KATNAL2: variants seen among roughly 807,000 people sequenced by gnomAD.
The protein encoded by KATNAL2 is katanin p60 ATPase-containing subunit A-like 2.
Under a neutral mutation model 76.3 loss-of-function variants are expected in KATNAL2, and 52 were observed. That is an observed-to-expected ratio of 0.68 (90% CI 0.55 to 0.86). KATNAL2 has a LOEUF of 0.86. Ranked by LOEUF, KATNAL2 falls within the 40% of genes least tolerant of loss-of-function variation. KATNAL2 has a pLI of 0.00. For missense variants in KATNAL2, 660 were observed against 668.9 expected, an observed-to-expected ratio of 0.99 and a Z score of 0.15; for synonymous variants, 243 against 244.2, an observed-to-expected ratio of 1.00 and a Z score of 0.05.
chr18:46,945,442 C>T, intron 1 of KATNAL2, among the ~76,000 whole-genome samples: 1 of 152,190 alleles, frequency 6.6e-6, no homozygotes, highest in African/African-American at 2.4e-5. Flanking sequence ...GAGTGGTTCT[C>T]CAAGCCAAAT....
intron 11 of KATNAL2, among the ~76,000 whole-genome samples, chr18:47,067,931 G>A (rs2147187095): frequency 6.6e-6 from 1 of 152,250 alleles, no homozygotes; most frequent in South Asian, 2.1e-4. Flanking sequence ...TGAAAAGGCT[G>A]GGACAAGCAG....
intron 1 of KATNAL2, among the ~76,000 whole-genome samples, chr18:46,943,125 C>T (rs181842072): frequency 5.3e-5 from 8 of 152,174 alleles, no homozygotes; most frequent in Admixed American, 2.6e-4. Context: ...GTTCTTTCCG[C>T]GTTTTTTGAT....
rs182956751 is a variant in KATNAL2 at position 47,060,925 on chromosome 18, T to C, written c.549+1271T>C. Among the ~76,000 whole-genome samples, 15 of 152,362 alleles carry C rather than the reference T, an allele frequency of 9.8e-5. No individual in the cohort carries two copies. In the East Asian group the frequency reaches 2.9e-3, roughly 29 times the overall value. ...CTAGCTTTTTTGTGGCATAAGTTTC[T>C]CTTGTGAATGCCTCACATTGAAATG... On this transcript the variant is annotated intron_variant, in intron 8 of 17. Coordinates refer to ENST00000683218, the MANE Select transcript of KATNAL2 (RefSeq NM_001387690.1).
At chr18:47,044,220 A>G (rs1206678345) in intron 3 of KATNAL2, among the ~76,000 whole-genome samples, 1 of 152,222 alleles carries the variant, frequency 6.6e-6, no homozygotes, top group Admixed American at 6.5e-5. Context: ...AAAGCAAAAA[A>G]AAATCTCATG....
chr18:46,953,734 G>A (rs1419644376), intron 3 of KATNAL2, among the ~76,000 whole-genome samples: 1 of 150,748 alleles, frequency 6.6e-6, no homozygotes, highest in Non-Finnish European at 1.5e-5. Flanking sequence ...TCCAACCTAG[G>A]CGACACATGG....
rs1209720818 is a variant in KATNAL2, at chr18:47,054,425, G to A, written c.319G>A (p.Gly107Arg). Residue 107 changes from glycine to arginine, a missense_variant, in exon 6 of 18, where the codon GGG becomes AGG. By Grantham distance (125) the Gly-to-Arg change is moderately radical. Transcript: ENST00000683218. The stretch of plus-strand genomic sequence containing the variant: ...AAATAATTTACCGCAAAGAAGTAGA[G>A]GGAAGACCAGAAGGTAAAGTGAATG... ...AENNLPQRSR[G>R]KTRRMMNDSC... 2 of 1,613,792 alleles carry A rather than the reference G, an allele frequency of 1.2e-6. No homozygotes were observed.
intron 4 of KATNAL2, among the ~76,000 whole-genome samples, chr18:47,047,512 AT>A: frequency 6.6e-6 from 1 of 152,132 alleles, no homozygotes; most frequent in Non-Finnish European, 1.5e-5. Flanking sequence ...GGGTGAGGAA[AT>A]TTAAAAACTT....
chr18:47,034,294 TC>T, intron 3 of KATNAL2: 12 of 1,613,600 alleles, frequency 7.4e-6, no homozygotes, highest in Non-Finnish European at 1.0e-5. Context: ...ATTTCCTGGG[TC>T]CCGGCCGTCT....
intron 3 of KATNAL2, among the ~76,000 whole-genome samples, chr18:47,037,921 G>A (rs2060835505): frequency 1.3e-5 from 2 of 151,694 alleles, no homozygotes; most frequent in South Asian, 4.2e-4. Context: ...CTGGGCTCAA[G>A]TGATCCTCCC....
intron 1 of KATNAL2, among the ~76,000 whole-genome samples, chr18:46,921,263 G>A (rs564045506): frequency 5.3e-5 from 8 of 152,270 alleles, no homozygotes; most frequent in Admixed American, 3.9e-4. Flanking sequence ...AAGTAGCTGG[G>A]ATTACAGGCA....
At chr18:47,074,222 G>T (rs1471923476) in intron 13 of KATNAL2, among the ~76,000 whole-genome samples, 1 of 152,200 alleles carries the variant, frequency 6.6e-6, no homozygotes, top group Non-Finnish European at 1.5e-5. Flanking sequence ...TATAAAACAG[G>T]ATTCTGTAAA....
At chr18:46,944,419 A>G (rs758511554) in intron 1 of KATNAL2, among the ~76,000 whole-genome samples, 2 of 152,174 alleles carry the variant, frequency 1.3e-5, no homozygotes, top group Non-Finnish European at 2.9e-5. Context: ...TATTATAGCA[A>G]TCTAGAGATG....
chr18:47,043,245 A>AAAAAAAAAAAAAT lies in KATNAL2; in HGVS notation c.52-3212_52-3211insAAAAAAAAAAAAT, dbSNP rs376877321. On this transcript the variant is annotated intron_variant, in intron 3 of 17. Transcript: ENST00000683218. The stretch of plus-strand genomic sequence containing the variant: ...CCGTTTCAAAAAAAAAAAAAAAAAA[A>AAAAAAAAAAAAAT]GAGATCCTAAAAGCTTCCTGGGAAG... Among the ~76,000 whole-genome samples the AAAAAAAAAAAAAT allele has an allele frequency of 8.5e-4, 79 of 93,148 alleles. 6 individuals carry two copies. The highest frequency in any genetic ancestry group is 1.2e-3 in the Non-Finnish European group (59 of 47,322). The allele number at this position is 93,148 out of a possible 152,430, so 61.1% of individuals were successfully genotyped here. A position where few individuals can be genotyped will look rare whatever the true frequency, so the allele number is the denominator to read the frequency against.
intron 15 of KATNAL2, among the ~76,000 whole-genome samples, chr18:47,080,009 C>A (rs939783683): frequency 5.9e-5 from 9 of 152,150 alleles, no homozygotes; most frequent in Non-Finnish European, 1.0e-4. Flanking sequence ...CCATTGATGA[C>A]CTCTGCCTGA....
intron 1 of KATNAL2, among the ~76,000 whole-genome samples, chr18:46,937,185 T>C (rs1482681097): frequency 6.6e-6 from 1 of 152,092 alleles, no homozygotes; most frequent in Non-Finnish European, 1.5e-5. Flanking sequence ...GTACTTTACC[T>C]CTGTGATCTT....
chr18:46,919,764 A>G (rs1308373922), intron 1 of KATNAL2, among the ~76,000 whole-genome samples: 1 of 152,240 alleles, frequency 6.6e-6, no homozygotes, highest in African/African-American at 2.4e-5. Context: ...TAATGAATAA[A>G]GGAATGAATG....
intron 4 of KATNAL2, among the ~76,000 whole-genome samples, chr18:47,047,389 C>T (rs952816295): frequency 1.3e-5 from 2 of 152,106 alleles, no homozygotes; most frequent in African/African-American, 2.4e-5. Context: ...GCTATGTGCA[C>T]AAGATAACTT....
chr18:47,089,444 T>C (rs76958195), intron 15 of KATNAL2, among the ~76,000 whole-genome samples: 3 of 152,286 alleles, frequency 2.0e-5, no homozygotes, highest in Non-Finnish European at 4.4e-5. Context: ...CTGTAGCAAT[T>C]AGAAGTTATT....
At chr18:47,062,921 A>C (rs1173990636) in intron 8 of KATNAL2, 51 bp from the exon 9 acceptor site, 1 of 1,408,886 alleles carries the variant, frequency 7.1e-7, no homozygotes, top group South Asian at 1.2e-5. Flanking sequence ...GTTATTAAGA[A>C]GAGTCTTCTC....
Sources: gnomAD v4.1 joint callset for allele counts (sites outside exome capture counted in the v4.1 genomes callset) on GRCh38, gnomAD v4.1.1 for gene constraint, MANE v1.5 for transcripts, NCBI Gene and HGNC (gene_info 2026-07-23, HGNC 2026-07-21) for gene names.